Variants in FAM221A observed in about 807,000 individuals in gnomAD.
FAM221A encodes the protein family with sequence similarity 221 member A.
Under a neutral mutation model 37.6 loss-of-function variants are expected in FAM221A, and 43 were observed. That is an observed-to-expected ratio of 1.15 (90% confidence interval 0.90 to 1.48). The LOEUF (loss-of-function observed/expected upper bound fraction) is 1.48, where lower values mean the gene tolerates loss of function less well. Ranked by LOEUF, FAM221A falls within the 40% of genes most tolerant of loss-of-function variation. FAM221A has a pLI of 0.00. For synonymous variants in FAM221A, 135 were observed against 132.9 expected (o/e 1.02, Z -0.11); for missense variants, 361 against 361.5 (o/e 1.00, Z 0.01).
intron 4 of FAM221A, among the ~76,000 whole-genome samples, chr7:23,697,861 C>T (rs1785156317): frequency 6.6e-6 from 1 of 152,144 alleles, no homozygotes; most frequent in Non-Finnish European, 1.5e-5. Flanking sequence ...AAATGATCTT[C>T]CTGCTTTACC....
chr7:23,685,650 G>C (rs61528860), intron 2 of FAM221A, among the ~76,000 whole-genome samples: 1 of 152,088 alleles, frequency 6.6e-6, no homozygotes, highest in Admixed American at 6.6e-5. Flanking sequence ...CTGCTGTGTC[G>C]ATACCTTTCT....
At chr7:23,692,193 C>A in intron 4 of FAM221A, 1 of 972,498 alleles carries the variant, frequency 1.0e-6, no homozygotes, top group Non-Finnish European at 1.2e-6. Flanking sequence ...GTAGATGGAT[C>A]CTTCTGAGAG....
chr7:23,680,580 G>A (rs1197551913), intron 1 of FAM221A: 5 of 377,650 alleles, frequency 1.3e-5, no homozygotes, highest in Non-Finnish European at 2.4e-5. Context: ...TTTTTAAATG[G>A]CCATTGAAAA....
At position 23,689,375 on chromosome 7, in the gene FAM221A, T is replaced by C. The variant is rs1784569679; in HGVS notation, c.346T>C (p.Leu116=). Residue 116 remains leucine, a synonymous_variant, in exon 3 of 7, where the codon TTG becomes CTG. Transcript: ENST00000344962. Reference sequence around the variant, plus strand: ...GTGCAGGGCTTACCTTTATGTCCCCTTGAATGGTAGCCAGCCCATTCGCTG... The same window carrying C: ...GTGCAGGGCTTACCTTTATGTCCCCCTGAATGGTAGCCAGCCCATTCGCTG... ...CQCRAYLYVP[L]NGSQPIRCRC... is the part of the protein sequence containing the mutation. The C allele has an allele frequency of 6.2e-7, 1 of 1,608,608 alleles. No individual in the cohort carries two copies. Among genetic ancestry groups the C allele is most frequent in the Non-Finnish European group, 8.5e-7 (1 of 1,175,902 alleles).
chr7:23,689,285 A>C lies in FAM221A; in HGVS notation c.256A>C (p.Thr86Pro), dbSNP rs749058981. 6.4e-6 allele frequency: 10 copies of C among 1,551,132 alleles called. No individual in the cohort carries two copies. The highest frequency in any genetic ancestry group is 7.9e-6 in the Non-Finnish European group (9 of 1,133,432). ...FCTHRYKQHK[T>P]DLEAIPQQCP... ...CTTTTTTAGGTATAAACAACATAAA[A>C]CTGACTTGGAAGCGATTCCTCAGCA... Residue 86 changes from threonine to proline, a missense_variant, in exon 3 of 7, where the codon ACT (threonine) becomes CCT (proline). Coordinates refer to ENST00000344962, the MANE Select transcript of FAM221A (RefSeq NM_199136.5).
intron 1 of FAM221A, among the ~76,000 whole-genome samples, chr7:23,683,398 A>G (rs964260414): frequency 1.3e-5 from 2 of 152,190 alleles, no homozygotes; most frequent in African/African-American, 2.4e-5. Flanking sequence ...TAGGTTCCGC[A>G]TTAGTTTAAA....
In FAM221A at chr7:23,702,631, ATC is replaced by A. The variant is rs1214866640; in HGVS notation, c.*470_*471del. 5 of 151,776 alleles carry A rather than the reference ATC, an allele frequency of 3.3e-5. No homozygotes were observed. Among genetic ancestry groups the A allele is most frequent in the Admixed American group, 6.6e-5 (1 of 15,210 alleles). 9.4% of individuals were successfully genotyped at this position (151,776 alleles called of 1,614,324 possible). A position where few individuals can be genotyped will look rare whatever the true frequency, so the allele number is the denominator to read the frequency against. On this transcript the variant is annotated 3_prime_UTR_variant, in exon 7 of 7. Coordinates refer to ENST00000344962, the MANE Select transcript of FAM221A (RefSeq NM_199136.5). ...AATGTTATGTTTTCAAATAAAAACTATCTCAAAATTTTACAACCATTTTCTAG... is the reference window on the plus strand; with the variant it reads ...AATGTTATGTTTTCAAATAAAAACTATCAAAATTTTACAACCATTTTCTAG...
intron 4 of FAM221A, among the ~76,000 whole-genome samples, chr7:23,695,459 G>A (rs1784996593): frequency 6.6e-6 from 1 of 151,996 alleles, no homozygotes; most frequent in Non-Finnish European, 1.5e-5. Context: ...TGCAATCTCT[G>A]CCTCCTGGGT....
rs1281370560 is a variant in FAM221A at position 23,684,562 on chromosome 7, A to G, written c.129A>G (p.Arg43=). 2 of 1,613,916 alleles carry G rather than the reference A, an allele frequency of 1.2e-6. No homozygotes were observed. Among genetic ancestry groups the G allele is most frequent in the African/African-American group, 2.7e-5 (2 of 74,942 alleles). Residue 43 remains arginine (R), a synonymous_variant, in exon 2 of 7, where the codon AGA becomes AGG. Transcript: ENST00000344962. ...CTGAAGAATATGAAGAATACAAAAG[A>G]AAAGTTTTACCTCTGCGCTTACAAA... The part of the protein sequence containing the change: ...FTPEEYEEYK[R]KVLPLRLQNR...
chr7:23,688,915 C>G (rs942761550), intron 2 of FAM221A: 1 of 157,614 alleles, frequency 6.3e-6, no homozygotes, highest in Non-Finnish European at 1.4e-5. Context: ...GGATTACAGG[C>G]ATGAGCCACT....
chr7:23,683,907 GTA>G (rs1279421462), intron 1 of FAM221A, among the ~76,000 whole-genome samples: 1 of 152,170 alleles, frequency 6.6e-6, no homozygotes, highest in Non-Finnish European at 1.5e-5. Flanking sequence ...ATGTTTATAA[GTA>G]TATATATGTT....
At chr7:23,687,559 A>G (rs1485521673) in intron 2 of FAM221A, 1 of 152,140 alleles carries the variant, frequency 6.6e-6, no homozygotes, top group Non-Finnish European at 1.5e-5. Context: ...ATATTTTCCA[A>G]AAATGAAATT....
intron 1 of FAM221A, among the ~76,000 whole-genome samples, chr7:23,682,772 A>G (rs1784131938): frequency 6.6e-6 from 1 of 152,166 alleles, no homozygotes; most frequent in African/African-American, 2.4e-5. Flanking sequence ...TGTAAGTACA[A>G]TAAAATTTGA....
intron 4 of FAM221A, among the ~76,000 whole-genome samples, chr7:23,697,526 G>A (rs1785131614): frequency 6.6e-6 from 1 of 152,048 alleles, no homozygotes; most frequent in Non-Finnish European, 1.5e-5. Context: ...GTTTTTAGAT[G>A]GTTTCCTAGT....
Position 23,694,504 on chromosome 7 carries a change from A to G in FAM221A, c.637+2908A>G, listed in dbSNP as rs924790749. ...CTCAAGCAACAGCTAAAGAAAACCC[A>G]ACTACCAGTGTCAAAACATAATGAT... On this transcript the variant is annotated intron_variant, in intron 4 of 6. Coordinates refer to ENST00000344962, the MANE Select transcript of FAM221A (RefSeq NM_199136.5). 4 of 152,350 alleles carry G rather than the reference A, an allele frequency of 2.6e-5. No homozygotes were observed. In the East Asian group the frequency reaches 7.7e-4, roughly 29 times the overall value. 9.4% of individuals were successfully genotyped at this position (152,350 alleles called of 1,614,324 possible).
chr7:23,686,200 T>C, intron 2 of FAM221A: 1 of 321,824 alleles, frequency 3.1e-6, no homozygotes, highest in South Asian at 2.3e-5. Flanking sequence ...ACAAATTTAG[T>C]GCCACTTTCT....
At chr7:23,701,486 G>A (rs1017394198) in intron 6 of FAM221A, among the ~76,000 whole-genome samples, 8 of 151,958 alleles carry the variant, frequency 5.3e-5, no homozygotes, top group Non-Finnish European at 1.0e-4. Context: ...TGATCCACCC[G>A]CCTCGGCCTC....
Position 23,689,420 on chromosome 7 carries a change from G to A in FAM221A, c.391G>A (p.Asp131Asn), listed in dbSNP as rs1178152719. 1.3e-6 allele frequency: 2 copies of A among 1,599,950 alleles called. No homozygotes were observed. The highest frequency in any genetic ancestry group is 1.7e-6 in the Non-Finnish European group (2 of 1,168,864). ...PIRCRCKHFA[D>N]QHSAAPGFTC... ...TCGCTGCAGGTGCAAACACTTTGCT[G>A]ATCAGCACAGTGCTGCGCCTGGCTT... Residue 131 changes from aspartate (D) to asparagine (N), a missense_variant, in exon 3 of 7, where the codon GAT (aspartate) becomes AAT (asparagine). Coordinates refer to ENST00000344962, the MANE Select transcript of FAM221A (RefSeq NM_199136.5).
chr7:23,680,797 G>T (rs771930845), intron 1 of FAM221A: 32 of 153,046 alleles, frequency 2.1e-4, no homozygotes, highest in Non-Finnish European at 3.9e-4. Flanking sequence ...GCGGTTCATT[G>T]TCCTGGATCC....
Sources: gnomAD v4.1 joint callset for allele counts (sites outside exome capture counted in the v4.1 genomes callset) on GRCh38, gnomAD v4.1.1 for gene constraint, MANE v1.5 for transcripts, NCBI Gene and HGNC (gene_info 2026-07-23, HGNC 2026-07-21) for gene names.